CD22: variants seen among roughly 807,000 people sequenced by gnomAD.
CD22 encodes the protein B-cell receptor CD22.
Under a neutral mutation model 94.7 loss-of-function variants are expected in CD22, and 51 were observed. That is an observed-to-expected ratio of 0.54 (90% CI 0.43 to 0.68). The LOEUF (loss-of-function observed/expected upper bound fraction) is 0.68, where lower values mean the gene tolerates loss of function less well. Among genes scored for constraint, CD22 ranks in the 30% least tolerant of loss-of-function variants. The probability of loss-of-function intolerance (pLI) is 0.00; values close to 1 mark genes in which losing one functional copy is unlikely to be tolerated. For synonymous variants in CD22, 424 were observed against 422.5 expected (o/e 1.00, Z -0.04); for missense variants, 931 against 1,060.4 (o/e 0.88, Z 1.69).
Position 35,340,966 on chromosome 19 carries a change from T to C in CD22, c.1335T>C (p.Asn445=). Residue 445 remains asparagine, a synonymous_variant, in exon 7 of 14, where the codon AAT becomes AAC. Coordinates refer to ENST00000085219, the MANE Select transcript of CD22 (RefSeq NM_001771.4). ...GDTVTLSCNY[N]SSNPSVTRYE... ...CAGTGACCCTTTCCTGTAACTACAA[T>C]TCCAGTAACCCCAGTGTTACCCGGT... The C allele has an allele frequency of 6.2e-7, 1 of 1,614,198 alleles. No homozygotes were observed.
intron 9 of CD22, among the ~76,000 whole-genome samples, chr19:35,344,026 T>C (rs2066859750): frequency 6.6e-6 from 1 of 152,158 alleles, no homozygotes; most frequent in South Asian, 2.1e-4. Context: ...TGAAACCCCA[T>C]CTCTACTAAA....
rs774906442 is a variant in CD22, at chr19:35,341,973, C to T, written c.2035+8C>T. On this transcript the variant is annotated splice_region_variant and intron_variant, in intron 9 of 13. Coordinates refer to ENST00000085219, the MANE Select transcript of CD22 (RefSeq NM_001771.4). This position sits in a 1 kb window ranked among gnomAD's most constrained non-coding sequence, Gnocchi z 4.0. Reference sequence around the variant, plus strand: ...GCACCCTCACCGTCTACTGTAAGGCCTCTTCCTGCTCTTGTTCTTCTTGGT... The same window carrying T: ...GCACCCTCACCGTCTACTGTAAGGCTTCTTCCTGCTCTTGTTCTTCTTGGT... 9.4e-6 allele frequency: 15 copies of T among 1,601,542 alleles called. No individual in the cohort carries two copies. The highest frequency in any genetic ancestry group is 1.3e-5 in the Non-Finnish European group (15 of 1,172,916).
intron 4 of CD22, among the ~76,000 whole-genome samples, chr19:35,336,860 A>G (rs975627340): frequency 1.3e-5 from 2 of 152,226 alleles, no homozygotes; most frequent in African/African-American, 4.8e-5. Flanking sequence ...AAAGAAATAT[A>G]CAACACTATT....
At chr19:35,329,689 A>T (rs1232389929) in intron 1 of CD22, 1 of 161,278 alleles carries the variant, frequency 6.2e-6, no homozygotes, top group East Asian at 1.7e-4. Flanking sequence ...GGAGGCGCCC[A>T]TCTCCCACTC....
At chr19:35,330,151 C>T (rs2066625521) in intron 1 of CD22, among the ~76,000 whole-genome samples, 1 of 151,952 alleles carries the variant, frequency 6.6e-6, no homozygotes, top group African/African-American at 2.4e-5. Flanking sequence ...ATGGTGAAAC[C>T]CCATCTCTAC....
At chr19:35,329,569 T>G in intron 1 of CD22, 1 of 230,834 alleles carries the variant, frequency 4.3e-6, no homozygotes, top group East Asian at 8.6e-5. Flanking sequence ...TAATAACTGC[T>G]GTCCCTAACC....
At position 35,337,727 on chromosome 19, in the gene CD22, C is replaced by G. The variant is rs770676614; in HGVS notation, c.719-28C>G. On this transcript the variant is annotated intron_variant, in intron 4 of 13. Coordinates refer to ENST00000085219, the MANE Select transcript of CD22 (RefSeq NM_001771.4). The surrounding 1 kb of genome is among the most constrained non-coding windows in gnomAD (Gnocchi z 4.4). ...CCACCCTCTGAGGATTCCCCGCCCC[C>G]TCCCCGACTGCCCCTCTGCTCCTCC... The G allele has an allele frequency of 1.3e-6, 2 of 1,569,618 alleles. No individual in the cohort carries two copies. Among genetic ancestry groups the G allele is most frequent in the Non-Finnish European group, 1.7e-6 (2 of 1,150,794 alleles).
intron 9 of CD22, among the ~76,000 whole-genome samples, chr19:35,342,868 T>C (rs1176977792): frequency 6.6e-6 from 1 of 152,154 alleles, no homozygotes; most frequent in East Asian, 1.9e-4. Context: ...TGGAGTGCAG[T>C]GGCGTGATCA....
In CD22 at chr19:35,336,474, C is replaced by T. The variant is rs1599678018; in HGVS notation, c.718+133C>T. On this transcript the variant is annotated intron_variant, in intron 4 of 13. Transcript: ENST00000085219. ...GCATCCTCCAGCCCTGGTCACGCCG[C>T]CTTGTCAGCCCTGGTGTTTCGGGAA... 14 of 731,686 alleles carry T rather than the reference C, an allele frequency of 1.9e-5. No homozygotes were observed. The East Asian group carries it at 3.5e-4, about 18-fold the overall frequency. 45.3% of individuals were successfully genotyped at this position (731,686 alleles called of 1,614,324 possible).
At chr19:35,331,829 A>G in intron 1 of CD22, 190 bp from the exon 2 acceptor site, 1 of 1,184,256 alleles carries the variant, frequency 8.4e-7, no homozygotes, top group Non-Finnish European at 1.1e-6. Context: ...CCTGGGAGAC[A>G]GAGCAAGACT....
At chr19:35,335,990 C>CCCCCA in intron 3 of CD22, 46 bp from the exon 4 acceptor site, 1 of 1,542,044 alleles carries the variant, frequency 6.5e-7, no homozygotes, top group Non-Finnish European at 8.9e-7. Flanking sequence ...TGTACGCTCA[C>CCCCCA]GTCCTCAGTC....
At chr19:35,342,833 C>T (rs117290922) in intron 9 of CD22, among the ~76,000 whole-genome samples, 187 of 151,924 alleles carry the variant, frequency 1.2e-3, no homozygotes, top group African/African-American at 3.3e-3. Flanking sequence ...TTTTTTTAAA[C>T]GGAGTCTCGA....
rs899416690 is a variant in CD22, at chr19:35,333,152, A to G, written c.412+228A>G. 4 of 536,630 alleles carry G rather than the reference A, an allele frequency of 7.5e-6. 1 individual carries two copies. In the Admixed American group the frequency reaches 1.3e-4, roughly 18 times the overall value. The allele number at this position is 536,630 out of a possible 1,614,324, so 33.2% of individuals were successfully genotyped here. A position where few individuals can be genotyped will look rare whatever the true frequency, so the allele number is the denominator to read the frequency against. ...CCTCTGGGACCTGGATTCCAAAGTT[A>G]TCGGATCTCCTGATCTTTCCCTCTT... On this transcript the variant is annotated intron_variant, in intron 3 of 13. Coordinates refer to ENST00000085219, the MANE Select transcript of CD22 (RefSeq NM_001771.4).
chr19:35,341,859 G>A lies in CD22; in HGVS notation c.1929G>A (p.Lys643=), dbSNP rs779997052. The A allele has an allele frequency of 1.9e-6, 3 of 1,614,060 alleles. No individual in the cohort carries two copies. The highest frequency in any genetic ancestry group is 2.7e-5 in the African/African-American group (2 of 74,908). ...NNQSLPYHSQ[K]LRLEPVKVQH... is the part of the protein sequence containing the mutation. ...AAAGCCTCCCCTACCACAGCCAGAA[G>A]CTGAGATTGGAGCCGGTGAAGGTCC... The change falls in exon 9 of 14, where the codon AAG becomes AAA. Residue 643 remains lysine, a synonymous_variant. Transcript: ENST00000085219. The surrounding 1 kb of genome is among the most constrained non-coding windows in gnomAD (Gnocchi z 4.0).
chr19:35,336,837 A>C (rs572416795), intron 4 of CD22, among the ~76,000 whole-genome samples: 2 of 152,348 alleles, frequency 1.3e-5, no homozygotes, highest in Non-Finnish European at 2.9e-5. Flanking sequence ...ATCTGGAACA[A>C]AGCAATGTTA....
chr19:35,334,824 A>G (rs771695028), intron 3 of CD22, among the ~76,000 whole-genome samples: 12 of 152,010 alleles, frequency 7.9e-5, no homozygotes, highest in Non-Finnish European at 1.5e-4. Context: ...CACGCCTGTA[A>G]TCCCAGAACT....
chr19:35,329,471 G>A, intron 1 of CD22: 1 of 360,710 alleles, frequency 2.8e-6, no homozygotes, highest in Non-Finnish European at 5.5e-6. Context: ...AGGAGCCAGG[G>A]AGGTCAGCCC....
At chr19:35,335,106 G>T (rs1042495044) in intron 3 of CD22, among the ~76,000 whole-genome samples, 2 of 150,824 alleles carry the variant, frequency 1.3e-5, no homozygotes, top group South Asian at 2.1e-4. Context: ...AAAAGAGGTG[G>T]TGAGGTGGTG....
chr19:35,346,933 T>C lies in CD22; in HGVS notation c.*236T>C. On this transcript the variant is annotated 3_prime_UTR_variant, in exon 14 of 14. Transcript: ENST00000085219. Reference sequence around the variant, plus strand: ...CTCCTGCCCCTGTTCTCTTCCACTCTCCTTGCTACCCAGAAATCCATCTAA... The same window carrying C: ...CTCCTGCCCCTGTTCTCTTCCACTCCCCTTGCTACCCAGAAATCCATCTAA... The C allele has an allele frequency of 2.1e-6, 1 of 465,214 alleles. No homozygotes were observed. Among genetic ancestry groups the C allele is most frequent in the Non-Finnish European group, 3.8e-6 (1 of 263,238 alleles). The allele number at this position is 465,214 out of a possible 1,614,324, so 28.8% of individuals were successfully genotyped here.
Sources: allele counts gnomAD v4.1 joint callset (sites outside exome capture counted in the v4.1 genomes callset), GRCh38; gene constraint gnomAD v4.1.1; non-coding constraint Gnocchi (gnomAD v3.1); transcripts MANE v1.5; gene names NCBI Gene and HGNC (gene_info 2026-07-23, HGNC 2026-07-21).